Variants in COLGALT2 observed in about 807,000 individuals in gnomAD.
COLGALT2 encodes procollagen galactosyltransferase 2.
In COLGALT2, 49 loss-of-function variants were observed where a neutral mutation model predicts 73.4. That is an observed-to-expected ratio of 0.67 (90% confidence interval 0.53 to 0.85). The LOEUF (loss-of-function observed/expected upper bound fraction) is 0.85. Ranked by LOEUF, COLGALT2 falls within the 40% of genes least tolerant of loss-of-function variation. COLGALT2 has a pLI of 0.00. For synonymous variants in COLGALT2, 295 were observed against 307.6 expected (o/e 0.96, Z 0.43); for missense variants, 722 against 790.2 (o/e 0.91, Z 1.03).
intron 8 of COLGALT2, among the ~76,000 whole-genome samples, chr1:183,949,252 T>C (rs972328741): frequency 6.6e-5 from 10 of 152,066 alleles, no homozygotes; most frequent in Admixed American, 1.3e-4. Context: ...AAAATTCATA[T>C]GGAAAAAGTA....
At chr1:183,959,336 T>A (rs1001963336) in intron 6 of COLGALT2, among the ~76,000 whole-genome samples, 1 of 152,214 alleles carries the variant, frequency 6.6e-6, no homozygotes, top group African/African-American at 2.4e-5. Flanking sequence ...CAGACTTATA[T>A]ATCCAACTAT....
chr1:184,036,448 G>T (rs921965954), intron 1 of COLGALT2, among the ~76,000 whole-genome samples: 1 of 152,226 alleles, frequency 6.6e-6, no homozygotes, highest in Non-Finnish European at 1.5e-5. Flanking sequence ...GGGACAGCCC[G>T]GAGCGCTCGC....
At chr1:183,979,800 A>G (rs1200825571) in intron 1 of COLGALT2, among the ~76,000 whole-genome samples, 1 of 152,102 alleles carries the variant, frequency 6.6e-6, no homozygotes, top group African/African-American at 2.4e-5. Flanking sequence ...GTAAGTATAT[A>G]TAGGATCTGT....
chr1:183,954,431 TC>T (rs773393449), intron 7 of COLGALT2, among the ~76,000 whole-genome samples: 1 of 152,216 alleles, frequency 6.6e-6, no homozygotes, highest in Non-Finnish European at 1.5e-5. Context: ...AAAACATGTA[TC>T]CTCTGTATCT....
intron 6 of COLGALT2, among the ~76,000 whole-genome samples, chr1:183,960,775 T>G (rs547941429): frequency 2.6e-5 from 4 of 152,350 alleles, no homozygotes; most frequent in Admixed American, 2.6e-4. Flanking sequence ...GATTTTTTTT[T>G]TAGCTCATCA....
At chr1:183,939,109 A>C (rs573527255) in intron 11 of COLGALT2, 72 bp from the exon 12 acceptor site, 1 of 1,131,068 alleles carries the variant, frequency 8.8e-7, no homozygotes, top group African/African-American at 1.5e-5. Flanking sequence ...CAAAGAGTGA[A>C]GGAGGCCTCC....
chr1:183,947,692 A>G (rs1376267771), intron 8 of COLGALT2, among the ~76,000 whole-genome samples: 1 of 152,198 alleles, frequency 6.6e-6, no homozygotes, highest in African/African-American at 2.4e-5. Context: ...GAAACTAGAT[A>G]AAGAGAAAAT....
In COLGALT2 at chr1:184,037,393, C is replaced by A; in HGVS notation, c.-36G>T. ...GAGGCGGGCGGCGGGGAAGTCCTGGCGCGAGCGCCCGGCTGGGCTGCCTGA... is the reference window on the plus strand; with the variant it reads ...GAGGCGGGCGGCGGGGAAGTCCTGGAGCGAGCGCCCGGCTGGGCTGCCTGA... On this transcript the variant is annotated 5_prime_UTR_variant, in exon 1 of 12. Transcript: ENST00000361927. 4.5e-6 allele frequency: 6 copies of A among 1,346,484 alleles called. No individual in the cohort carries two copies. Among genetic ancestry groups the A allele is most frequent in the Admixed American group, 3.6e-5 (1 of 27,922 alleles). 83.4% of individuals were successfully genotyped at this position (1,346,484 alleles called of 1,614,324 possible).
intron 1 of COLGALT2, among the ~76,000 whole-genome samples, chr1:184,028,300 G>A (rs1158820162): frequency 6.6e-6 from 1 of 152,164 alleles, no homozygotes; most frequent in Non-Finnish European, 1.5e-5. Flanking sequence ...AAATGCAGCA[G>A]TTTCTCACTT....
intron 1 of COLGALT2, among the ~76,000 whole-genome samples, chr1:184,026,074 T>C (rs1049443078): frequency 3.3e-5 from 5 of 152,214 alleles, no homozygotes; most frequent in Admixed American, 3.3e-4. Flanking sequence ...TTCCCTTATG[T>C]TACAGGAGAA....
intron 11 of COLGALT2, 150 bp downstream of exon 11, chr1:183,940,431 C>T (rs1473706153): frequency 1.1e-5 from 8 of 743,526 alleles, no homozygotes; most frequent in Non-Finnish European, 1.6e-5. Context: ...GGATAAATCA[C>T]CTGAGTTAGG....
At chr1:184,013,534 A>G (rs937282885) in intron 1 of COLGALT2, among the ~76,000 whole-genome samples, 1 of 152,222 alleles carries the variant, frequency 6.6e-6, no homozygotes, top group Admixed American at 6.5e-5. Flanking sequence ...TGTGGAAGGC[A>G]GTTCAACATG....
chr1:184,019,040 T>A (rs886164578), intron 1 of COLGALT2, among the ~76,000 whole-genome samples: 3 of 152,226 alleles, frequency 2.0e-5, no homozygotes, highest in Non-Finnish European at 4.4e-5. Context: ...ACCTTTCTCA[T>A]GGTCCCTAAA....
At chr1:183,966,855 C>A (rs897793275) in intron 5 of COLGALT2, among the ~76,000 whole-genome samples, 2 of 152,200 alleles carry the variant, frequency 1.3e-5, no homozygotes, top group Non-Finnish European at 2.9e-5. Flanking sequence ...TGCTCACCAG[C>A]ACACTTGGAT....
At chr1:183,967,737 C>T (rs1306865552) in intron 5 of COLGALT2, among the ~76,000 whole-genome samples, 2 of 152,206 alleles carry the variant, frequency 1.3e-5, no homozygotes, top group African/African-American at 4.8e-5. Flanking sequence ...AAGGGATTGG[C>T]ACTCAAAGGA....
At chr1:183,974,757 T>C (rs1409191974) in intron 3 of COLGALT2, among the ~76,000 whole-genome samples, 1 of 152,202 alleles carries the variant, frequency 6.6e-6, no homozygotes, top group East Asian at 1.9e-4. Flanking sequence ...ATCCCCCAAA[T>C]TCTTCCAAAA....
chr1:183,937,189 G>A lies in COLGALT2; in HGVS notation c.*1572C>T, dbSNP rs1669979232. On this transcript the variant is annotated 3_prime_UTR_variant, in exon 12 of 12. Transcript: ENST00000361927. ...GGGCCCTCCCCATGAGTTTAAGTGTGAAGCTCAGGGTTTGGGGTGTGCACG... is the reference window on the plus strand; with the variant it reads ...GGGCCCTCCCCATGAGTTTAAGTGTAAAGCTCAGGGTTTGGGGTGTGCACG... The A allele has an allele frequency of 1.6e-6, 2 of 1,224,016 alleles. No homozygotes were observed. Among genetic ancestry groups the A allele is most frequent in the Non-Finnish European group, 2.0e-6 (2 of 983,776 alleles). 75.8% of individuals were successfully genotyped at this position (1,224,016 alleles called of 1,614,324 possible). A position where few individuals can be genotyped will look rare whatever the true frequency, so the allele number is the denominator to read the frequency against.
chr1:184,021,565 T>G (rs1050450030), intron 1 of COLGALT2, among the ~76,000 whole-genome samples: 4 of 152,194 alleles, frequency 2.6e-5, no homozygotes, highest in African/African-American at 9.6e-5. Context: ...CGTCGCCAGA[T>G]GCCAGCCCCT....
In COLGALT2 at chr1:183,938,974, G is replaced by C; in HGVS notation, c.1668C>G (p.Leu556=). 2.5e-6 allele frequency: 4 copies of C among 1,614,122 alleles called. No individual in the cohort carries two copies. The highest frequency in any genetic ancestry group is 3.4e-6 in the Non-Finnish European group (4 of 1,180,042). ...GGCCTGTGTAGTGCGTAGGGTAGAT[G>C]AGCAAGGGTTCTGCAGAGAAGGCTT... ...DLKAFSAEPL[L]IYPTHYTGQP... The change falls in exon 12 of 12, where the codon CTC becomes CTG. Residue 556 remains leucine, a synonymous_variant. Transcript: ENST00000361927.
Sources: allele counts gnomAD v4.1 joint callset (sites outside exome capture counted in the v4.1 genomes callset), GRCh38; gene constraint gnomAD v4.1.1; transcripts MANE v1.5; gene names NCBI Gene and HGNC (gene_info 2026-07-23, HGNC 2026-07-21).